Variants in AK7 observed in about 807,000 individuals in gnomAD.
AK7 encodes adenylate kinase 7.
In AK7, 78 loss-of-function variants were observed where a neutral mutation model predicts 96.6. The observed-to-expected ratio is 0.81, with a 90% CI of 0.67 to 0.97. The LOEUF (loss-of-function observed/expected upper bound fraction) is 0.97. Ranked by LOEUF, AK7 falls within the 50% of genes least tolerant of loss-of-function variation. The pLI is 0.00. For missense variants in AK7, 855 were observed against 887.9 expected, an observed-to-expected ratio of 0.96 and a Z score of 0.47; for synonymous variants, 302 against 317.2, an observed-to-expected ratio of 0.95 and a Z score of 0.51.
chr14:96,473,950 C>G (rs1404693019), intron 14 of AK7, among the ~76,000 whole-genome samples: 1 of 152,176 alleles, frequency 6.6e-6, no homozygotes, highest in Non-Finnish European at 1.5e-5. Context: ...TCACAAAGTA[C>G]TCTTGAAAGC....
intron 16 of AK7, 148 bp downstream of exon 16, chr14:96,483,367 C>A: frequency 3.9e-6 from 3 of 768,482 alleles, no homozygotes; most frequent in Non-Finnish European, 4.1e-6. Context: ...TGCTTTTTGT[C>A]ATTTGTACCA....
intron 12 of AK7, among the ~76,000 whole-genome samples, chr14:96,469,213 G>C (rs1046845597): frequency 3.3e-5 from 5 of 152,164 alleles, no homozygotes; most frequent in African/African-American, 1.2e-4. Context: ...TAACAACAAA[G>C]CCTTTGAAAA....
Position 96,407,575 on chromosome 14 carries a change from C to CTTTTTTTTTTTTTTTTTTTTTTTT in AK7, c.404-1268_404-1267insTTTTTTTTTTTTTTTTTTTTTTTT, listed in dbSNP as rs1288121196. Among the ~76,000 whole-genome samples, 2 of 54,732 alleles carry CTTTTTTTTTTTTTTTTTTTTTTTT rather than the reference C, an allele frequency of 3.7e-5. 1 individual carries two copies. The allele number at this position is 54,732 out of a possible 152,430, so 35.9% of individuals were successfully genotyped here. A position where few individuals can be genotyped will look rare whatever the true frequency, so the allele number is the denominator to read the frequency against. ...GCAGCTCTGATATGTTTCTTTCTTTCTTTTCTTTTTTTTTTTTTTTTTTTG... is the reference window on the plus strand; with the variant it reads ...GCAGCTCTGATATGTTTCTTTCTTTCTTTTTTTTTTTTTTTTTTTTTTTTTTTTCTTTTTTTTTTTTTTTTTTTG... On this transcript the variant is annotated intron_variant, in intron 3 of 17. Coordinates refer to ENST00000267584, the MANE Select transcript of AK7 (RefSeq NM_152327.5).
Position 96,456,378 on chromosome 14 carries a change from C to T in AK7, c.1130C>T (p.Ala377Val). The change falls in exon 11 of 18, where the codon GCT becomes GTT. Residue 377 changes from alanine to valine, a missense_variant. Ala to Val is a moderately conservative substitution (Grantham distance 64). Coordinates refer to ENST00000267584, the MANE Select transcript of AK7 (RefSeq NM_152327.5). ...AAGATCTGCATTCTTGGTCCCCCTG[C>T]TGTGGGAAAATCCAGTATTGCTAAA... ...PIKICILGPPAVGKSSIAKEL... is the reference protein window; with the variant it reads ...PIKICILGPPVVGKSSIAKEL... The T allele has an allele frequency of 1.2e-6, 2 of 1,613,798 alleles. No homozygotes were observed. Among genetic ancestry groups the T allele is most frequent in the Non-Finnish European group, 1.7e-6 (2 of 1,179,810 alleles).
At position 96,400,030 on chromosome 14, in the gene AK7, C is replaced by CTT. The variant is rs34001068; in HGVS notation, c.294+1792_294+1793dup. On this transcript the variant is annotated intron_variant, in intron 2 of 17. Coordinates refer to ENST00000267584, the MANE Select transcript of AK7 (RefSeq NM_152327.5). ...TATTAGACCCCGCTACAAAAACAAT[C>CTT]TTTTTTTTTTTTTTTTTTTTTTTTT... Among the ~76,000 whole-genome samples, 102 of 86,336 alleles carry CTT rather than the reference C, an allele frequency of 1.2e-3. 2 individuals carry two copies. The highest frequency in any genetic ancestry group is 2.3e-3 in the African/African-American group (48 of 20,956). 56.6% of individuals were successfully genotyped at this position (86,336 alleles called of 152,430 possible). A position where few individuals can be genotyped will look rare whatever the true frequency, so the allele number is the denominator to read the frequency against.
intron 2 of AK7, among the ~76,000 whole-genome samples, chr14:96,400,211 TG>T (rs752320849): frequency 9.2e-5 from 14 of 152,104 alleles, no homozygotes; most frequent in Non-Finnish European, 1.6e-4. Context: ...GCTAATTTTT[TG>T]TATCTTTAGT....
At chr14:96,432,951 G>A (rs890204589) in intron 5 of AK7, among the ~76,000 whole-genome samples, 4 of 152,098 alleles carry the variant, frequency 2.6e-5, no homozygotes, top group Admixed American at 1.3e-4. Flanking sequence ...CTGAGATCAC[G>A]CCACTGCACT....
intron 3 of AK7, 48 bp from the exon 4 acceptor site, chr14:96,408,799 C>G: frequency 6.3e-7 from 1 of 1,584,370 alleles, no homozygotes; most frequent in Non-Finnish European, 8.7e-7. Context: ...ATTTAGAAAC[C>G]AAGTTGTGCA....
At position 96,398,315 on chromosome 14, in the gene AK7, C is replaced by T. The variant is rs370340365; in HGVS notation, c.294+52C>T. 1.2e-4 allele frequency: 194 copies of T among 1,583,132 alleles called. 1 individual carries two copies. The African/African-American group carries it at 1.9e-3, about 16-fold the overall frequency. On this transcript the variant is annotated intron_variant, in intron 2 of 17. Transcript: ENST00000267584. ...GTAGACAGAGGGAAGAGTCACCTTCCGCTCCAACGCCTTGACAACTTGTTT... is the reference window on the plus strand; with the variant it reads ...GTAGACAGAGGGAAGAGTCACCTTCTGCTCCAACGCCTTGACAACTTGTTT...
Position 96,408,918 on chromosome 14 carries a change from G to A in AK7, c.475G>A (p.Ala159Thr). 1 of 1,614,222 alleles carries A rather than the reference G, an allele frequency of 6.2e-7. No individual in the cohort carries two copies. The highest frequency in any genetic ancestry group is 8.5e-7 in the Non-Finnish European group (1 of 1,180,042). Residue 159 changes from alanine (A) to threonine (T), a missense_variant, in exon 4 of 18, where the codon GCG (alanine) becomes ACG (threonine). By Grantham distance (58) the Ala-to-Thr change is moderately conservative. Transcript: ENST00000267584. ...TTTACTGTCGACGGTGATGACTTGGGCGCGCTCCAAAGCCCTGGACCCCGT... is the reference window on the plus strand; with the variant it reads ...TTTACTGTCGACGGTGATGACTTGGACGCGCTCCAAAGCCCTGGACCCCGT... ...FILLSTVMTWARSKALDPEDS... is the reference protein window; with the variant it reads ...FILLSTVMTWTRSKALDPEDS...
At chr14:96,455,478 C>G (rs1893846334) in intron 10 of AK7, among the ~76,000 whole-genome samples, 1 of 152,086 alleles carries the variant, frequency 6.6e-6, no homozygotes, top group South Asian at 2.1e-4. Context: ...GTGGGAGCAC[C>G]TATCTCAATA....
At chr14:96,418,339 G>C (rs200971938) in intron 4 of AK7, among the ~76,000 whole-genome samples, 2 of 28,452 alleles carry the variant, frequency 7.0e-5, no homozygotes, top group South Asian at 9.5e-4. Flanking sequence ...AAAAAAAAAG[G>C]CTTCAAATCC....
chr14:96,419,426 T>A (rs1473357127), intron 4 of AK7, among the ~76,000 whole-genome samples: 1 of 152,070 alleles, frequency 6.6e-6, no homozygotes, highest in Non-Finnish European at 1.5e-5. Flanking sequence ...AGCCAGGAGG[T>A]GGAGACCAGC....
intron 13 of AK7, among the ~76,000 whole-genome samples, 156 bp downstream of exon 13, chr14:96,471,762 C>CT (rs951865027): frequency 8.2e-5 from 12 of 146,798 alleles, no homozygotes; most frequent in East Asian, 2.0e-4. Context: ...TTTTTTTTTT[C>CT]TTTTTTTTTC....
At chr14:96,396,833 A>G (rs564140915) in intron 1 of AK7, among the ~76,000 whole-genome samples, 1 of 152,378 alleles carries the variant, frequency 6.6e-6, no homozygotes, top group South Asian at 2.1e-4. Context: ...ATTATTCAAT[A>G]CTGTAGCCAC....
intron 5 of AK7, among the ~76,000 whole-genome samples, chr14:96,437,514 T>G (rs1166048608): frequency 2.0e-5 from 3 of 152,162 alleles, no homozygotes; most frequent in Non-Finnish European, 2.9e-5. Context: ...AAGATCCTCG[T>G]GGAAAGACCT....
chr14:96,469,456 C>T (rs749311460), intron 12 of AK7, among the ~76,000 whole-genome samples: 4 of 152,124 alleles, frequency 2.6e-5, no homozygotes, highest in Non-Finnish European at 4.4e-5. Context: ...ACCCAGGAGA[C>T]AGAGGTTGCA....
At chr14:96,454,907 G>A (rs1233200129) in intron 10 of AK7, among the ~76,000 whole-genome samples, 1 of 152,138 alleles carries the variant, frequency 6.6e-6, no homozygotes, top group Non-Finnish European at 1.5e-5. Flanking sequence ...GCTCACACCT[G>A]TAATCCTACC....
intron 9 of AK7, 108 bp downstream of exon 9, chr14:96,449,987 G>T: frequency 1.2e-6 from 1 of 830,606 alleles, no homozygotes; most frequent in Non-Finnish European, 1.9e-6. Flanking sequence ...ATTGATCTGT[G>T]AGGGATTTGG....
Sources: gnomAD v4.1 joint callset for allele counts (sites outside exome capture counted in the v4.1 genomes callset) on GRCh38, gnomAD v4.1.1 for gene constraint, MANE v1.5 for transcripts, NCBI Gene and HGNC (gene_info 2026-07-23, HGNC 2026-07-21) for gene names.